Variants in DLGAP2 observed in about 807,000 individuals in gnomAD.
The protein encoded by DLGAP2 is DLG associated protein 2, also known as disks large-associated protein 2.
DLGAP2 carries 26 observed loss-of-function variants against 100.3 expected under a neutral mutation model. The observed-to-expected ratio is 0.26, with a 90% CI of 0.19 to 0.36. DLGAP2 has a LOEUF of 0.36. Among genes scored for constraint, DLGAP2 ranks in the 10% least tolerant of loss-of-function variants. DLGAP2 has a pLI of 1.00. For synonymous variants in DLGAP2, 886 were observed against 630.1 expected, an observed-to-expected ratio of 1.41 and a Z score of -6.08; for missense variants, 1,858 against 1,453.2, an observed-to-expected ratio of 1.28 and a Z score of -4.53.
intron 2 of DLGAP2, among the ~76,000 whole-genome samples, chr8:1,050,403 G>A (rs554545771): frequency 6.6e-6 from 1 of 152,292 alleles, no homozygotes; most frequent in East Asian, 1.9e-4. Context: ...CCTTGTGCGA[G>A]GTGGCTTTTG....
Position 1,292,149 on chromosome 8 carries a change from G to C in DLGAP2, c.106+33266G>C, listed in dbSNP as rs563040990. ...CAGCAAAAACCCTGGACACCCTCCA[G>C]AATCGCTGGCTTTGGGGGGAAGCAT... On this transcript the variant is annotated intron_variant, in intron 3 of 14. Transcript: ENST00000637795. Among the ~76,000 whole-genome samples, 3 of 152,350 alleles carry C rather than the reference G, an allele frequency of 2.0e-5. No homozygotes were observed. In the South Asian group the frequency reaches 6.2e-4, roughly 32 times the overall value.
chr8:1,133,953 A>G (rs924119020), intron 2 of DLGAP2, among the ~76,000 whole-genome samples: 1 of 151,952 alleles, frequency 6.6e-6, no homozygotes, highest in African/African-American at 2.4e-5. Context: ...CCAGATATTA[A>G]GCCCAGTACC....
At chr8:1,442,941 G>A (rs1350523943) in intron 3 of DLGAP2, among the ~76,000 whole-genome samples, 3 of 152,218 alleles carry the variant, frequency 2.0e-5, no homozygotes, top group Non-Finnish European at 2.9e-5. Context: ...CCGTAAACAC[G>A]AGTTCTGAAA....
At chr8:1,539,366 AG>A (rs1801273755) in intron 4 of DLGAP2, among the ~76,000 whole-genome samples, 1 of 152,190 alleles carries the variant, frequency 6.6e-6, no homozygotes, top group Non-Finnish European at 1.5e-5. Context: ...GACTCCGAAG[AG>A]GAAAACAGGT....
At chr8:1,220,098 G>A (rs957714999) in intron 2 of DLGAP2, among the ~76,000 whole-genome samples, 4 of 151,936 alleles carry the variant, frequency 2.6e-5, no homozygotes, top group African/African-American at 9.7e-5. Flanking sequence ...GGATTTTTGT[G>A]TCTGAATTTT....
intron 2 of DLGAP2, among the ~76,000 whole-genome samples, chr8:1,207,272 T>A (rs1426029143): frequency 6.6e-6 from 1 of 152,162 alleles, no homozygotes; most frequent in Non-Finnish European, 1.5e-5. Context: ...ATTGTGTCAT[T>A]CTTACGCCGT....
intron 3 of DLGAP2, among the ~76,000 whole-genome samples, chr8:1,322,828 G>A (rs913006908): frequency 6.6e-6 from 1 of 152,134 alleles, no homozygotes; most frequent in South Asian, 2.1e-4. Flanking sequence ...CCTCTTTAAT[G>A]GTCCTATATT....
intron 3 of DLGAP2, among the ~76,000 whole-genome samples, chr8:1,318,172 G>A (rs572729591): frequency 3.4e-4 from 51 of 151,876 alleles, no homozygotes; most frequent in Non-Finnish European, 5.4e-4. Flanking sequence ...TGAGTGCAGC[G>A]TCTCTCCAAC....
chr8:1,630,454 G>A (rs1324604402), intron 7 of DLGAP2, among the ~76,000 whole-genome samples: 3 of 152,138 alleles, frequency 2.0e-5, no homozygotes, highest in Non-Finnish European at 2.9e-5. Flanking sequence ...TGTAATCCCA[G>A]CACTTTGGGA....
chr8:1,661,847 G>A (rs139403795), intron 8 of DLGAP2, among the ~76,000 whole-genome samples: 1 of 152,334 alleles, frequency 6.6e-6, no homozygotes, highest in East Asian at 1.9e-4. Context: ...CGCCCTATGG[G>A]ACAATTCAGC....
At chr8:1,658,921 T>G (rs1446719549) in intron 8 of DLGAP2, among the ~76,000 whole-genome samples, 1 of 152,196 alleles carries the variant, frequency 6.6e-6, no homozygotes, top group Non-Finnish European at 1.5e-5. Context: ...AATTGTGATG[T>G]TAGGGTGTCA....
At chr8:1,133,442 A>T (rs1206242985) in intron 2 of DLGAP2, among the ~76,000 whole-genome samples, 1 of 152,072 alleles carries the variant, frequency 6.6e-6, no homozygotes, top group African/African-American at 2.4e-5. Context: ...AAAAATATAT[A>T]TTTTTTGCTT....
intron 2 of DLGAP2, among the ~76,000 whole-genome samples, chr8:962,077 A>G (rs1404212824): frequency 1.3e-5 from 2 of 152,244 alleles, no homozygotes; most frequent in East Asian, 1.9e-4. Flanking sequence ...TAAGCTTAGC[A>G]TTTGTAAAAG....
chr8:1,251,807 A>C (rs1799046669), intron 2 of DLGAP2, among the ~76,000 whole-genome samples: 1 of 152,220 alleles, frequency 6.6e-6, no homozygotes, highest in African/African-American at 2.4e-5. Flanking sequence ...ACGTCACGTC[A>C]TCGCACTGTT....
intron 2 of DLGAP2, among the ~76,000 whole-genome samples, chr8:1,235,069 C>T (rs983857208): frequency 6.6e-6 from 1 of 150,984 alleles, no homozygotes; most frequent in Non-Finnish European, 1.5e-5. Flanking sequence ...CACATGGCAT[C>T]GTGTCTAGTT....
intron 1 of DLGAP2, among the ~76,000 whole-genome samples, chr8:761,872 G>A (rs186787182): frequency 6.6e-6 from 1 of 152,350 alleles, no homozygotes; most frequent in African/African-American, 2.4e-5. Flanking sequence ...CCTGGAGAGG[G>A]GATGGGGAAA....
chr8:1,500,058 A>T (rs1210623488), intron 3 of DLGAP2, among the ~76,000 whole-genome samples: 1 of 152,234 alleles, frequency 6.6e-6, no homozygotes, highest in East Asian at 1.9e-4. Context: ...TATGTGTGTG[A>T]ATACATGCCT....
intron 6 of DLGAP2, among the ~76,000 whole-genome samples, chr8:1,607,554 T>C (rs986978625): frequency 3.9e-5 from 6 of 152,238 alleles, no homozygotes; most frequent in South Asian, 4.1e-4. Flanking sequence ...TGTGTAAATA[T>C]ATCCTTTAGA....
intron 4 of DLGAP2, among the ~76,000 whole-genome samples, chr8:1,538,780 CAG>C (rs1801245957): frequency 6.6e-6 from 1 of 152,150 alleles, no homozygotes; most frequent in Non-Finnish European, 1.5e-5. Flanking sequence ...CTCAGAACTC[CAG>C]AGAGTCACGC....
Sources: gnomAD v4.1 joint callset for allele counts (sites outside exome capture counted in the v4.1 genomes callset) on GRCh38, gnomAD v4.1.1 for gene constraint, MANE v1.5 for transcripts, NCBI Gene and HGNC (gene_info 2026-07-23, HGNC 2026-07-21) for gene names.